Variants in SASH1 observed in about 807,000 individuals in gnomAD.
SASH1 encodes the protein SAM and SH3 domain-containing protein 1.
SASH1 carries 44 observed loss-of-function variants against 125.2 expected under a neutral mutation model. The observed-to-expected ratio is 0.35, with a 90% CI of 0.28 to 0.45. The LOEUF (loss-of-function observed/expected upper bound fraction) is 0.45, where lower values mean the gene tolerates loss of function less well. SASH1 is among the 20% of genes least tolerant of loss of function. The pLI, the probability that SASH1 is intolerant of heterozygous loss-of-function variation, is 1.00. For synonymous variants in SASH1, 639 were observed against 649.1 expected (o/e 0.98, Z 0.24); for missense variants, 1,426 against 1,614.5 (o/e 0.88, Z 2.00).
intron 1 of SASH1, among the ~76,000 whole-genome samples, chr6:148,387,329 AG>A (rs1374835224): frequency 6.6e-6 from 1 of 151,718 alleles, no homozygotes; most frequent in African/African-American, 2.4e-5. Context: ...CATGTTGGTC[AG>A]GCTGGTCTCG....
intron 1 of SASH1, among the ~76,000 whole-genome samples, chr6:148,292,325 A>G (rs921693207): frequency 2.0e-4 from 31 of 152,106 alleles, no homozygotes; most frequent in African/African-American, 7.2e-4. Context: ...TGCCATCCAC[A>G]TGGGCAGAAG....
At chr6:148,395,841 G>A (rs1783926495) in intron 2 of SASH1, among the ~76,000 whole-genome samples, 1 of 152,192 alleles carries the variant, frequency 6.6e-6, no homozygotes. Flanking sequence ...ATCTGTCAAA[G>A]TGACACCATG....
intron 2 of SASH1, among the ~76,000 whole-genome samples, chr6:148,399,446 G>T (rs1784089261): frequency 6.6e-6 from 1 of 151,934 alleles, no homozygotes; most frequent in African/African-American, 2.4e-5. Flanking sequence ...GGCTGGTCTT[G>T]AATTCCTGAC....
At chr6:148,340,509 A>G (rs1209086554), upstream of SASH1, among the ~76,000 whole-genome samples, 1 of 150,886 alleles carries the variant, frequency 6.6e-6, no homozygotes, top group Non-Finnish European at 1.5e-5. Flanking sequence ...AAAAAAAAGT[A>G]TCACGTGGTG....
the SASH1 span, among the ~76,000 whole-genome samples, chr6:148,194,406 T>C: frequency 6.6e-6 from 1 of 152,240 alleles, no homozygotes; most frequent in Non-Finnish European, 1.5e-5. Flanking sequence ...CTAATGTAAA[T>C]TTCAGCTTCA....
intron 4 of SASH1, among the ~76,000 whole-genome samples, chr6:148,450,930 A>G (rs1777071963): frequency 6.6e-6 from 1 of 152,180 alleles, no homozygotes; most frequent in African/African-American, 2.4e-5. Flanking sequence ...AGTTTCCACA[A>G]TTATCAAATG....
chr6:148,368,819 T>C (rs530839186), intron 1 of SASH1, among the ~76,000 whole-genome samples: 1 of 109,688 alleles, frequency 9.1e-6, no homozygotes, highest in Admixed American at 1.0e-4. Context: ...TTGTCTGATA[T>C]AGATACAAGA....
At chr6:148,319,495 A>G (rs923655533) in intron 1 of SASH1, among the ~76,000 whole-genome samples, 1 of 152,024 alleles carries the variant, frequency 6.6e-6, no homozygotes, top group Non-Finnish European at 1.5e-5. Context: ...ATAAATATGT[A>G]TAAGATTTTT....
At chr6:148,243,449 T>A in the SASH1 span, among the ~76,000 whole-genome samples, 1 of 94,338 alleles carries the variant, frequency 1.1e-5, no homozygotes, top group Non-Finnish European at 2.2e-5. Context: ...AAATTCCATC[T>A]AAATAATAAT....
chr6:148,461,206 C>G (rs1303604503), intron 4 of SASH1, among the ~76,000 whole-genome samples: 1 of 152,146 alleles, frequency 6.6e-6, no homozygotes, highest in South Asian at 2.1e-4. Flanking sequence ...TGTCATTTAC[C>G]CCTAGTTCTG....
chr6:148,293,631 G>A (rs1011839817), intron 1 of SASH1, among the ~76,000 whole-genome samples: 3 of 152,122 alleles, frequency 2.0e-5, no homozygotes, highest in African/African-American at 7.2e-5. Flanking sequence ...GGGAATTGGA[G>A]AAATCTTGTT....
upstream of SASH1, among the ~76,000 whole-genome samples, chr6:148,268,561 G>A (rs1778993013): frequency 6.6e-6 from 1 of 152,236 alleles, no homozygotes; most frequent in South Asian, 2.1e-4. Flanking sequence ...CAAACTGACA[G>A]AATGGTTGGT....
intron 16 of SASH1, among the ~76,000 whole-genome samples, chr6:148,536,290 G>A (rs1781840510): frequency 1.3e-5 from 2 of 152,220 alleles, no homozygotes; most frequent in South Asian, 4.1e-4. Context: ...CAGCTCACTT[G>A]CTCTTCCTCA....
chr6:148,332,856 G>A (rs1010823885), intron 1 of SASH1, among the ~76,000 whole-genome samples: 31 of 151,910 alleles, frequency 2.0e-4, no homozygotes, highest in Admixed American at 2.0e-3. Context: ...GCTTGGTGGC[G>A]TGCACCTGTA....
rs1437390239 is a variant in SASH1 at position 148,550,911 on chromosome 6, T to C, written c.*2353T>C. ...TGTGAATTTCCAAGTTTTAATTCGT[T>C]CTCCATGAAGGATTTTCATTTCAGT... is the stretch of plus-strand genomic sequence containing the variant. On this transcript the variant is annotated 3_prime_UTR_variant, in exon 20 of 20. Transcript: ENST00000367467. 6.6e-6 allele frequency: 1 copy of C among 152,436 alleles called. No individual in the cohort carries two copies. Among genetic ancestry groups the C allele is most frequent in the Non-Finnish European group, 1.5e-5 (1 of 68,040 alleles). 9.4% of individuals were successfully genotyped at this position (152,436 alleles called of 1,614,324 possible). A position where few individuals can be genotyped will look rare whatever the true frequency, so the allele number is the denominator to read the frequency against.
chr6:148,535,579 A>G (rs1781794138), intron 16 of SASH1, among the ~76,000 whole-genome samples: 1 of 152,186 alleles, frequency 6.6e-6, no homozygotes, highest in Non-Finnish European at 1.5e-5. Context: ...TGGCTTGCAA[A>G]TTCCCAACCT....
chr6:148,387,592 CTTTCTTTCTTTCTTTCTTTCT>C (rs1783461463), intron 1 of SASH1, among the ~76,000 whole-genome samples: 2 of 8,590 alleles, frequency 2.3e-4, no homozygotes, highest in African/African-American at 1.3e-3. Context: ...TTCTTTCTTT[CTTTCTTTCTTTCTTTCTTTCT>C]TTCTTTCTTT....
At chr6:148,252,561 C>A in the SASH1 span, among the ~76,000 whole-genome samples, 1 of 151,932 alleles carries the variant, frequency 6.6e-6, no homozygotes, top group Non-Finnish European at 1.5e-5. Context: ...TCACTGCAAC[C>A]ACCACCTTCC....
At chr6:148,356,509 T>TTTTTTTTC (rs1781945930) in intron 1 of SASH1, among the ~76,000 whole-genome samples, 1 of 111,980 alleles carries the variant, frequency 8.9e-6, no homozygotes, top group Non-Finnish European at 1.9e-5. Flanking sequence ...TTTTTTTTTT[T>TTTTTTTTC]TTTTTGAGAC....
Sources: allele counts gnomAD v4.1 joint callset (sites outside exome capture counted in the v4.1 genomes callset), GRCh38; gene constraint gnomAD v4.1.1; transcripts MANE v1.5; gene names NCBI Gene and HGNC (gene_info 2026-07-23, HGNC 2026-07-21).